NAA38: variants seen among roughly 807,000 people sequenced by gnomAD.
The protein encoded by NAA38 is LSM domain containing 1.
NAA38 carries 15 observed loss-of-function variants against 12.6 expected under a neutral mutation model. The observed-to-expected ratio is 1.19, with a 90% CI of 0.79 to 1.83. The LOEUF is 1.83. Among genes scored for constraint, NAA38 ranks in the 40% most tolerant of loss-of-function variants. The pLI, the probability that NAA38 is intolerant of heterozygous loss-of-function variation, is 0.00. For missense variants in NAA38, 183 were observed against 171.7 expected, an observed-to-expected ratio of 1.07 and a Z score of -0.37; for synonymous variants, 88 against 69.9, an observed-to-expected ratio of 1.26 and a Z score of -1.29.
intron 1 of NAA38, among the ~76,000 whole-genome samples, chr17:7,884,350 A>G (rs1967416629): frequency 6.7e-6 from 1 of 149,926 alleles, no homozygotes; most frequent in Non-Finnish European, 1.5e-5. Context: ...CGGCCATCTT[A>G]GTGCCTCAGC....
chr17:7,858,887 G>A (rs889136522), upstream of NAA38: 5 of 1,392,658 alleles, frequency 3.6e-6, no homozygotes, highest in African/African-American at 4.3e-5. Context: ...TCTCCAGGCC[G>A]ATCTTCAGGG....
intron 2 of NAA38, among the ~76,000 whole-genome samples, chr17:7,879,807 A>G (rs4791889): frequency 0.085 from 12,888 of 152,188 alleles, 860 homozygotes; most frequent in East Asian, 0.25. Flanking sequence ...ACACACAGGC[A>G]TAGATAAAAG....
chr17:7,863,790 T>A (rs910884088), intron 3 of NAA38: 1 of 152,074 alleles, frequency 6.6e-6, no homozygotes, highest in Non-Finnish European at 1.5e-5. Context: ...AACAATACTT[T>A]AAACAGCCTC....
rs1218552487 is a variant in NAA38, at chr17:7,874,865, A to G, written c.-65-8307T>C. On this transcript the variant is annotated intron_variant, in intron 2 of 4. Coordinates refer to the NAA38 transcript ENST00000576861. ...GTGCCACTGCACTCCAGCCTCGGCA[A>G]TAAGAGCAAAACTCCATCTCAAAAA... Among the ~76,000 whole-genome samples, 7 of 145,826 alleles carry G rather than the reference A, an allele frequency of 4.8e-5. 1 individual carries two copies. In the East Asian group the frequency reaches 8.1e-4, roughly 17 times the overall value.
At chr17:7,872,394 C>T (rs769568710) in intron 2 of NAA38, among the ~76,000 whole-genome samples, 81 of 152,164 alleles carry the variant, frequency 5.3e-4, no homozygotes, top group Non-Finnish European at 9.6e-4. Flanking sequence ...TTTTTTGAGA[C>T]GGAGTCGCTC....
At chr17:7,884,309 A>AG (rs1262593452) in intron 1 of NAA38, among the ~76,000 whole-genome samples, 5 of 133,142 alleles carry the variant, frequency 3.8e-5, no homozygotes, top group South Asian at 2.6e-4. Flanking sequence ...GCGGTGCTGG[A>AG]GGGGGGGTTG....
intron 3 of NAA38, chr17:7,865,514 A>G (rs547309114): frequency 1.2e-4 from 19 of 152,376 alleles, no homozygotes; most frequent in African/African-American, 4.1e-4. Flanking sequence ...GCTGTCTCAC[A>G]TAGCTCTCAA....
chr17:7,880,391 A>G (rs1343341281), intron 2 of NAA38, among the ~76,000 whole-genome samples: 2 of 152,208 alleles, frequency 1.3e-5, no homozygotes, highest in Non-Finnish European at 2.9e-5. Context: ...GAAATGAAAG[A>G]ACAGTGCATT....
At position 7,872,366 on chromosome 17, in the gene NAA38, A is replaced by AT. The variant is rs148877463; in HGVS notation, c.-65-5809dup. Among the ~76,000 whole-genome samples the AT allele has an allele frequency of 7.6e-3, 1,152 of 152,088 alleles. 20 individuals are homozygous for AT. The highest frequency in any genetic ancestry group is 0.026 in the African/African-American group (1,090 of 41,484). ...GTCTTGCTGAATTGAGCAGAATTAC[A>AT]TTTTTTGTTTTGTTTTGTTTTTTGA... On this transcript the variant is annotated intron_variant, in intron 2 of 4. Transcript: ENST00000576861.
chr17:7,877,145 A>G, intron 2 of NAA38: 1 of 319,404 alleles, frequency 3.1e-6, no homozygotes, highest in South Asian at 2.3e-5. Flanking sequence ...GTAATCAATG[A>G]AGCTACTTAA....
At chr17:7,856,969 G>A (rs2078823471) in intron 2 of NAA38, 46 bp downstream of exon 2, 3 of 1,588,898 alleles carry the variant, frequency 1.9e-6, no homozygotes, top group African/African-American at 2.7e-5. Flanking sequence ...CCTTGCGTAA[G>A]GTTCCGCCAC....
At chr17:7,857,894 T>C (rs1024146315), upstream of NAA38, 1 of 1,404,130 alleles carries the variant, frequency 7.1e-7, no homozygotes, top group African/African-American at 1.4e-5. Context: ...ACTCAATTAC[T>C]TGATCCTTAT....
At chr17:7,867,038 G>T (rs1966995694) in intron 2 of NAA38, among the ~76,000 whole-genome samples, 1 of 152,196 alleles carries the variant, frequency 6.6e-6, no homozygotes, top group Non-Finnish European at 1.5e-5. Flanking sequence ...GGACAAGGAG[G>T]AGTCAGTCAA....
upstream of NAA38, chr17:7,859,278 G>A (rs1597873826): frequency 1.2e-6 from 1 of 869,058 alleles, no homozygotes; most frequent in Non-Finnish European, 1.8e-6. Flanking sequence ...GGGCCGTAGA[G>A]TACCTGAAGC....
chr17:7,871,441 C>T (rs4265881), intron 2 of NAA38, among the ~76,000 whole-genome samples: 45,147 of 152,046 alleles, frequency 0.3, 7,886 homozygotes, highest in East Asian at 0.83. Flanking sequence ...TACTTTACTA[C>T]TTTTGTATTT....
intron 2 of NAA38, among the ~76,000 whole-genome samples, chr17:7,882,282 C>T (rs1413733579): frequency 1.3e-5 from 2 of 152,236 alleles, no homozygotes; most frequent in Admixed American, 6.5e-5. Context: ...CGCAGTGTGG[C>T]CCACATACAC....
chr17:7,857,839 C>A, upstream of NAA38: 3 of 1,357,104 alleles, frequency 2.2e-6, no homozygotes, highest in Non-Finnish European at 2.9e-6. Flanking sequence ...TAAAACGGAG[C>A]GTATTCGTTC....
chr17:7,881,344 A>C (rs1173743803), intron 2 of NAA38, among the ~76,000 whole-genome samples: 1 of 152,162 alleles, frequency 6.6e-6, no homozygotes, highest in African/African-American at 2.4e-5. Context: ...AGCAGACAGC[A>C]AAAAGGCAGG....
chr17:7,871,227 A>G (rs774594580), intron 2 of NAA38, among the ~76,000 whole-genome samples: 1 of 152,192 alleles, frequency 6.6e-6, no homozygotes, highest in Non-Finnish European at 1.5e-5. Context: ...CCCACCTCTC[A>G]ATAGCTCTGA....
Sources: gnomAD v4.1 joint callset for allele counts (sites outside exome capture counted in the v4.1 genomes callset) on GRCh38, gnomAD v4.1.1 for gene constraint, MANE v1.5 for transcripts, NCBI Gene and HGNC (gene_info 2026-07-23, HGNC 2026-07-21) for gene names.